The following NOLC1 variants were observed in gnomAD, a reference collection of about 807,000 sequenced individuals.
NOLC1 encodes the protein 140 kDa nucleolar phosphoprotein.
A neutral mutation model predicts 73.4 loss-of-function variants in NOLC1; 37 were observed. The ratio of observed to expected loss-of-function variants is 0.50; its 90% CI spans 0.39 to 0.66. NOLC1 has a LOEUF of 0.66. Among genes scored for constraint, NOLC1 ranks in the 30% least tolerant of loss-of-function variants. NOLC1 has a pLI of 0.00. For synonymous variants in NOLC1, 327 were observed against 302.6 expected (o/e 1.08, Z -0.84); for missense variants, 921 against 838.9 (o/e 1.10, Z -1.21).
chr10:102,162,214 A>G lies in NOLC1; in HGVS notation c.2045A>G (p.Tyr682Cys), dbSNP rs1486804950. 7 of 1,614,134 alleles carry G rather than the reference A, an allele frequency of 4.3e-6. No homozygotes were observed. The highest frequency in any genetic ancestry group is 5.1e-6 in the Non-Finnish European group (6 of 1,180,010). ...AAAACCAAGAAGAAGCGGGGCAGCT[A>G]CCGGGGAGGCTCAATCTCTGTCCAG... ...HEKTKKKRGS[Y>C]RGGSISVQVN... is the part of the protein sequence containing the mutation. Residue 682 changes from tyrosine to cysteine, a missense_variant, in exon 13 of 13, where the codon TAC becomes TGC. Transcript: ENST00000605788.
chr10:102,156,972 T>A, intron 1 of NOLC1, 47 bp from the exon 2 acceptor site: 1 of 1,568,746 alleles, frequency 6.4e-7, no homozygotes, highest in South Asian at 1.1e-5. Flanking sequence ...AATGAAAGCA[T>A]AACCAGGATA....
intron 1 of NOLC1, among the ~76,000 whole-genome samples, chr10:102,155,148 G>T (rs1356254791): frequency 6.6e-6 from 1 of 150,960 alleles, no homozygotes; most frequent in Non-Finnish European, 1.5e-5. Flanking sequence ...TTAGCCTCCT[G>T]AGTAGCTGGG....
chr10:102,162,817 T>C lies in NOLC1; in HGVS notation c.*548T>C, dbSNP rs2069736262. 6.6e-6 allele frequency: 1 copy of C among 152,340 alleles called. No homozygotes were observed. 9.4% of individuals were successfully genotyped at this position (152,340 alleles called of 1,614,324 possible). A position where few individuals can be genotyped will look rare whatever the true frequency, so the allele number is the denominator to read the frequency against. On this transcript the variant is annotated 3_prime_UTR_variant, in exon 13 of 13. Coordinates refer to ENST00000605788, the MANE Select transcript of NOLC1 (RefSeq NM_004741.5). ...TGCAATGTCTGTTAAGCATGCACTA[T>C]GTATTTCATCCTCATTTATTGGGTC...
chr10:102,154,998 G>A (rs1021645005), intron 1 of NOLC1, among the ~76,000 whole-genome samples: 1 of 149,518 alleles, frequency 6.7e-6, no homozygotes, highest in Non-Finnish European at 1.5e-5. Context: ...TAGGACTACA[G>A]ACATGTACCA....
In NOLC1 at chr10:102,163,114, T is replaced by C. The variant is rs2069740542; in HGVS notation, c.*845T>C. 3 of 152,238 alleles carry C rather than the reference T, an allele frequency of 2.0e-5. No individual in the cohort carries two copies. Among genetic ancestry groups the C allele is most frequent in the African/African-American group, 7.2e-5 (3 of 41,456 alleles). 9.4% of individuals were successfully genotyped at this position (152,238 alleles called of 1,614,324 possible). ...TTGAGGACTGCATCTTCTCGTTTTT[T>C]ACAGTATAGAGAACAAAATGACATG... On this transcript the variant is annotated 3_prime_UTR_variant, in exon 13 of 13. Coordinates refer to ENST00000605788, the MANE Select transcript of NOLC1 (RefSeq NM_004741.5).
In NOLC1 at chr10:102,158,031, T is replaced by C; in HGVS notation, c.442-18T>C. 6.2e-7 allele frequency: 1 copy of C among 1,610,108 alleles called. No homozygotes were observed. Among genetic ancestry groups the C allele is most frequent in the Non-Finnish European group, 8.5e-7 (1 of 1,178,518 alleles). On this transcript the variant is annotated intron_variant, in intron 4 of 12. Coordinates refer to ENST00000605788, the MANE Select transcript of NOLC1 (RefSeq NM_004741.5). ...CGGAAGCTTTTGCTGATTTCTCTCC[T>C]TGTGTCTTTTCTAACAGAAGGGAGT...
rs1264276985 is a variant in NOLC1, at chr10:102,162,606, G to A, written c.*337G>A. The A allele has an allele frequency of 1.2e-5, 2 of 166,206 alleles. No individual in the cohort carries two copies. The highest frequency in any genetic ancestry group is 1.7e-4 in the East Asian group (1 of 6,020). The allele number at this position is 166,206 out of a possible 1,614,324, so 10.3% of individuals were successfully genotyped here. A position where few individuals can be genotyped will look rare whatever the true frequency, so the allele number is the denominator to read the frequency against. ...ATTAAATCACTTACTATTGATTTTT[G>A]TTGTGATTTTCAAAGGTGGATTCCC... On this transcript the variant is annotated 3_prime_UTR_variant, in exon 13 of 13. Transcript: ENST00000605788.
At position 102,152,505 on chromosome 10, in the gene NOLC1, A is replaced by G. The variant is rs771988687; in HGVS notation, c.95A>G (p.Asn32Ser). 3.7e-6 allele frequency: 6 copies of G among 1,613,760 alleles called. No homozygotes were observed. The highest frequency in any genetic ancestry group is 2.7e-5 in the African/African-American group (2 of 74,954). ...LRDNQLSEVA[N>S]KFAKATGATQ... ...GATAACCAACTCTCAGAGGTGGCCA[A>G]TAAGTTCGCCAAAGCGACAGGAGCT... The change falls in exon 1 of 13, where the codon AAT becomes AGT. Residue 32 changes from asparagine (N) to serine (S), a missense_variant. Asn to Ser is a conservative substitution (Grantham distance 46). Transcript: ENST00000605788.
At position 102,159,884 on chromosome 10, in the gene NOLC1, C is replaced by A. The variant is rs1028558422; in HGVS notation, c.860-12C>A. ...CATATCCTAAAACCATCACACTATC[C>A]TTTTTAAACAGGTCCCTACAGTTCA... On this transcript the variant is annotated splice_polypyrimidine_tract_variant and intron_variant, in intron 7 of 12. Coordinates refer to ENST00000605788, the MANE Select transcript of NOLC1 (RefSeq NM_004741.5). 2.6e-6 allele frequency: 4 copies of A among 1,538,298 alleles called. No individual in the cohort carries two copies. The highest frequency in any genetic ancestry group is 2.8e-5 in the African/African-American group (2 of 71,470).
chr10:102,154,198 A>G (rs1337538492), intron 1 of NOLC1, among the ~76,000 whole-genome samples: 1 of 149,622 alleles, frequency 6.7e-6, no homozygotes, highest in Admixed American at 6.7e-5. Context: ...CAGCTTCCCA[A>G]GTAGCTGGGA....
intron 1 of NOLC1, among the ~76,000 whole-genome samples, chr10:102,156,722 C>G (rs1202283657): frequency 6.6e-6 from 1 of 152,084 alleles, no homozygotes; most frequent in Non-Finnish European, 1.5e-5. Context: ...CATGAGCCAC[C>G]GTGACTGGCT....
chr10:102,157,803 G>A (rs948305559), intron 4 of NOLC1, among the ~76,000 whole-genome samples: 2 of 152,032 alleles, frequency 1.3e-5, no homozygotes, highest in Admixed American at 1.3e-4. Flanking sequence ...GTTCTTCTGG[G>A]ACACTATTCA....
chr10:102,157,514 G>A lies in NOLC1; in HGVS notation c.400G>A (p.Asp134Asn), dbSNP rs1319999988. 2.5e-6 allele frequency: 4 copies of A among 1,613,598 alleles called. No individual in the cohort carries two copies. The highest frequency in any genetic ancestry group is 3.4e-6 in the Non-Finnish European group (4 of 1,179,746). ...SESSSSEESS[D>N]DDDEEDQKKQ... ...GAGTAGCAGCAGTGAAGAGTCCAGT[G>A]ATGATGATGATGAGGAGGACCAAAA... The change falls in exon 4 of 13, where the codon GAT (aspartate) becomes AAT (asparagine). Residue 134 changes from aspartate to asparagine, a missense_variant. Physicochemically the swap from Asp to Asn is conservative, Grantham distance 23 (BLOSUM62 1). Transcript: ENST00000605788.
At chr10:102,161,245 T>C (rs968199506) in intron 10 of NOLC1, 152 bp downstream of exon 10, 7 of 850,650 alleles carry the variant, frequency 8.2e-6, no homozygotes, top group Non-Finnish European at 1.2e-5. Context: ...TACCTTTTTT[T>C]TTTTTTATTA....
rs1230048989 is a variant in NOLC1 at position 102,161,627 on chromosome 10, C to T, written c.1813C>T (p.Leu605Phe). ...AETPQAKKIK[L>F]QTPNTFPKRK... ...GACTCCTCAGGCCAAGAAGATAAAG[C>T]TTCAGACCCCTAACACATTTCCAAA... is the stretch of plus-strand genomic sequence containing the variant. The change falls in exon 11 of 13, where the codon CTT (leucine) becomes TTT (phenylalanine). Residue 605 changes from leucine (L) to phenylalanine (F), a missense_variant. Leu to Phe is a conservative substitution (Grantham distance 22). Transcript: ENST00000605788. The T allele has an allele frequency of 6.2e-7, 1 of 1,613,972 alleles. No homozygotes were observed. The highest frequency in any genetic ancestry group is 1.1e-5 in the South Asian group (1 of 91,082).
At position 102,159,065 on chromosome 10, in the gene NOLC1, CAAAAAAAAAAAA is replaced by C. The variant is rs35183508; in HGVS notation, c.608-110_608-99del. 1,057 of 357,322 alleles carry C rather than the reference CAAAAAAAAAAAA, an allele frequency of 3.0e-3. 2 individuals are homozygous for C. Among genetic ancestry groups the C allele is most frequent in the East Asian group, 0.016 (329 of 21,186 alleles). The allele number at this position is 357,322 out of a possible 1,614,324, so 22.1% of individuals were successfully genotyped here. On this transcript the variant is annotated intron_variant, in intron 5 of 12. Coordinates refer to ENST00000605788, the MANE Select transcript of NOLC1 (RefSeq NM_004741.5). ...CAGAGCCAGAGCCAGACTCCGTCTC[CAAAAAAAAAAAA>C]AAAAAAAAAAAAAAAAATGGTGGAC...
intron 4 of NOLC1, among the ~76,000 whole-genome samples, chr10:102,157,765 T>G (rs2069623912): frequency 6.6e-6 from 1 of 152,052 alleles, no homozygotes; most frequent in African/African-American, 2.4e-5. Flanking sequence ...CTAGAGGAAA[T>G]TAAACCCATT....
Position 102,162,160 on chromosome 10 carries a change from T to C in NOLC1, c.1991T>C (p.Phe664Ser). The C allele has an allele frequency of 6.2e-7, 1 of 1,614,078 alleles. No homozygotes were observed. Among genetic ancestry groups the C allele is most frequent in the South Asian group, 1.1e-5 (1 of 91,074 alleles). ...GAGCGAGCCAATCAGGTTTTGAAGTTCACCAAAGGCAAGTCCTTTCGGCAT... is the reference window on the plus strand; with the variant it reads ...GAGCGAGCCAATCAGGTTTTGAAGTCCACCAAAGGCAAGTCCTTTCGGCAT... ...WGERANQVLK[F>S]TKGKSFRHEK... is the part of the protein sequence containing the mutation. Residue 664 changes from phenylalanine to serine, a missense_variant, in exon 13 of 13, where the codon TTC becomes TCC. Physicochemically the swap from Phe to Ser is radical, Grantham distance 155 (BLOSUM62 -2). Transcript: ENST00000605788.
At chr10:102,159,141 G>T in intron 5 of NOLC1, 52 bp from the exon 6 acceptor site, 1 of 1,587,368 alleles carries the variant, frequency 6.3e-7, no homozygotes, top group Non-Finnish European at 8.6e-7. Context: ...GTTTTTCATG[G>T]TCCTGACTTG....
Sources: gnomAD v4.1 joint callset for allele counts (sites outside exome capture counted in the v4.1 genomes callset) on GRCh38, gnomAD v4.1.1 for gene constraint, MANE v1.5 for transcripts, NCBI Gene and HGNC (gene_info 2026-07-23, HGNC 2026-07-21) for gene names.